The following DAB2IP variants were observed in gnomAD, a reference collection of about 807,000 sequenced individuals.
DAB2IP encodes the protein disabled homolog 2-interacting protein.
Under a neutral mutation model 107.2 loss-of-function variants are expected in DAB2IP, and 28 were observed. The observed-to-expected ratio is 0.26, with a 90% CI of 0.19 to 0.36. DAB2IP has a LOEUF of 0.36. DAB2IP is among the 10% of genes least tolerant of loss of function. The pLI is 1.00. For missense variants in DAB2IP, 1,400 were observed against 1,644.7 expected (o/e 0.85, Z 2.57); for synonymous variants, 755 against 706.4 (o/e 1.07, Z -1.09).
At chr9:121,737,028 G>A (rs1022624162) in intron 3 of DAB2IP, among the ~76,000 whole-genome samples, 2 of 152,204 alleles carry the variant, frequency 1.3e-5, no homozygotes, top group African/African-American at 2.4e-5. Flanking sequence ...GTCTGAGACC[G>A]GAATGAGGAG....
chr9:121,631,893 G>A (rs1331888387), intron 1 of DAB2IP, among the ~76,000 whole-genome samples: 5 of 152,088 alleles, frequency 3.3e-5, no homozygotes, highest in Admixed American at 2.6e-4. Context: ...TTTCAGCAGG[G>A]AGCAGGGCAG....
chr9:121,756,644 C>T (rs146577129), intron 3 of DAB2IP, among the ~76,000 whole-genome samples: 48 of 152,388 alleles, frequency 3.1e-4, no homozygotes, highest in Middle Eastern at 6.8e-3. Flanking sequence ...AATGGGAAAG[C>T]GCCCAGAACT....
At chr9:121,644,497 T>C (rs1395548918) in intron 1 of DAB2IP, among the ~76,000 whole-genome samples, 1 of 151,946 alleles carries the variant, frequency 6.6e-6, no homozygotes, top group Non-Finnish European at 1.5e-5. Flanking sequence ...CTCAAGAGGC[T>C]GAGGCAGGAG....
At chr9:121,667,763 G>C (rs950087028) in intron 1 of DAB2IP, among the ~76,000 whole-genome samples, 1 of 151,928 alleles carries the variant, frequency 6.6e-6, no homozygotes, top group Non-Finnish European at 1.5e-5. Context: ...CTCCCAAAGT[G>C]TTGGGATTAC....
rs535277007 is a variant in DAB2IP, at chr9:121,668,178, C to A, written c.125-10500C>A. Among the ~76,000 whole-genome samples the A allele has an allele frequency of 6.8e-4, 101 of 148,866 alleles. 2 individuals are homozygous for A. The highest frequency in any genetic ancestry group is 2.4e-3 in the African/African-American group (96 of 40,612). On this transcript the variant is annotated intron_variant, in intron 1 of 15. Coordinates refer to ENST00000408936, the Ensembl canonical transcript of DAB2IP. ...GGGAACACAGAGCCAAACCATATCA[C>A]CATTTGAGCTGTTGTTGATTTTTTT...
chr9:121,713,638 A>G (rs754014771), intron 3 of DAB2IP, among the ~76,000 whole-genome samples: 6 of 152,088 alleles, frequency 3.9e-5, no homozygotes, highest in Non-Finnish European at 7.4e-5. Flanking sequence ...GTCTTTCTCC[A>G]GGCCTTCCTG....
upstream of DAB2IP, among the ~76,000 whole-genome samples, chr9:121,649,996 T>G (rs962245651): frequency 2.6e-5 from 4 of 152,218 alleles, no homozygotes; most frequent in Admixed American, 1.3e-4. Flanking sequence ...TGAGGTTTTT[T>G]TGTGTGTGTG....
At chr9:121,750,297 C>T (rs1207231467) in intron 3 of DAB2IP, among the ~76,000 whole-genome samples, 1 of 152,194 alleles carries the variant, frequency 6.6e-6, no homozygotes, top group East Asian at 1.9e-4. Context: ...GCTGCAGGTG[C>T]ATTTCTGTAG....
intron 1 of DAB2IP, among the ~76,000 whole-genome samples, chr9:121,641,026 C>A (rs758063322): frequency 3.9e-5 from 6 of 152,184 alleles, no homozygotes; most frequent in Non-Finnish European, 7.3e-5. Context: ...CCCCATCTGT[C>A]TGTTAATCAT....
chr9:121,757,639 C>T (rs1833586278), intron 4 of DAB2IP, among the ~76,000 whole-genome samples: 1 of 152,030 alleles, frequency 6.6e-6, no homozygotes, highest in Non-Finnish European at 1.5e-5. Flanking sequence ...GCCAGTGACC[C>T]ACCTGGGGAT....
At chr9:121,774,440 CAG>C in intron 13 of DAB2IP, 28 bp downstream of exon 13, 2 of 1,566,194 alleles carry the variant, frequency 1.3e-6, no homozygotes, top group South Asian at 2.4e-5. Flanking sequence ...CGGCTCGGGA[CAG>C]GGCGGGGCTG....
chr9:121,783,494 C>T (rs1054040349), exon 16 of DAB2IP: 17 of 1,614,102 alleles, frequency 1.1e-5, no homozygotes, highest in Non-Finnish European at 1.4e-5. Context: ...CGCCTGCAGG[C>T]CCTGAGAAGG....
chr9:121,694,786 C>A (rs998369613), intron 2 of DAB2IP, among the ~76,000 whole-genome samples: 1 of 152,184 alleles, frequency 6.6e-6, no homozygotes, highest in African/African-American at 2.4e-5. Flanking sequence ...CAGAGAGGGG[C>A]GGGGGCTACA....
At chr9:121,730,540 A>T (rs983756271) in intron 3 of DAB2IP, among the ~76,000 whole-genome samples, 5 of 152,216 alleles carry the variant, frequency 3.3e-5, no homozygotes, top group African/African-American at 1.2e-4. Context: ...TCCCTGGGCC[A>T]GTGTGGGTCC....
At chr9:121,617,578 G>A (rs1457480018) in intron 1 of DAB2IP, among the ~76,000 whole-genome samples, 1 of 152,202 alleles carries the variant, frequency 6.6e-6, no homozygotes, top group Admixed American at 6.5e-5. Context: ...ACTGGTTTGG[G>A]TCCAGCCCCA....
At chr9:121,718,397 C>T (rs1176820054) in intron 3 of DAB2IP, among the ~76,000 whole-genome samples, 3 of 152,184 alleles carry the variant, frequency 2.0e-5, no homozygotes, top group South Asian at 2.1e-4. Context: ...CATCAACATA[C>T]GCTGGGATGG....
Position 121,736,187 on chromosome 9 carries a change from G to T in DAB2IP, c.363-20826G>T, listed in dbSNP as rs1831891782. On this transcript the variant is annotated intron_variant, in intron 3 of 15. Coordinates refer to ENST00000408936, the Ensembl canonical transcript of DAB2IP. This position sits in a 1 kb window ranked among gnomAD's most constrained non-coding sequence, Gnocchi z 4.6. ...GTTCACTTGTTAAAATGTTGGAATGGAAATGTGGGGAAGGGAGAGCGTTTG... is the reference window on the plus strand; with the variant it reads ...GTTCACTTGTTAAAATGTTGGAATGTAAATGTGGGGAAGGGAGAGCGTTTG... 6.6e-6 allele frequency among the ~76,000 whole-genome samples: 1 copy of T among 152,216 alleles called. No homozygotes were observed. The highest frequency in any genetic ancestry group is 2.4e-5 in the African/African-American group (1 of 41,462).
upstream of DAB2IP, among the ~76,000 whole-genome samples, chr9:121,651,339 G>A (rs1832729235): frequency 6.6e-6 from 1 of 152,212 alleles, no homozygotes; most frequent in South Asian, 2.1e-4. The surrounding 1 kb of genome is among the most constrained non-coding windows in gnomAD (Gnocchi z 5.1). Flanking sequence ...GCTCCGGAGA[G>A]CGCACAAGCA....
chr9:121,709,074 G>C (rs1482128676), intron 3 of DAB2IP, among the ~76,000 whole-genome samples: 1 of 152,220 alleles, frequency 6.6e-6, no homozygotes, highest in Non-Finnish European at 1.5e-5. Context: ...AGGCGTTCCT[G>C]AGTCAGTCTC....
Sources: allele counts gnomAD v4.1 joint callset (sites outside exome capture counted in the v4.1 genomes callset), GRCh38; gene constraint gnomAD v4.1.1; non-coding constraint Gnocchi (gnomAD v3.1); transcripts MANE v1.5; gene names NCBI Gene and HGNC (gene_info 2026-07-23, HGNC 2026-07-21).